SLC35F4: variants seen among roughly 807,000 people sequenced by gnomAD.
The protein encoded by SLC35F4 is chromosome 14 open reading frame 36.
In SLC35F4, 24 loss-of-function variants were observed where a neutral mutation model predicts 44.2. That is an observed-to-expected ratio of 0.54 (90% CI 0.39 to 0.76). The LOEUF (loss-of-function observed/expected upper bound fraction) is 0.76, where lower values mean the gene tolerates loss of function less well. Among genes scored for constraint, SLC35F4 ranks in the 30% least tolerant of loss-of-function variants. The pLI, the probability that SLC35F4 is intolerant of heterozygous loss-of-function variation, is 0.00. For synonymous variants in SLC35F4, 238 were observed against 223.6 expected (o/e 1.06, Z -0.57); for missense variants, 562 against 586.1 (o/e 0.96, Z 0.42).
chr14:57,812,739 G>C (rs1416266213), intron 1 of SLC35F4, among the ~76,000 whole-genome samples: 1 of 152,082 alleles, frequency 6.6e-6, no homozygotes, highest in East Asian at 1.9e-4. Context: ...GTCTTCCTGA[G>C]ACTTAAACTA....
At chr14:57,871,064 G>C (rs1001002652), upstream of SLC35F4, among the ~76,000 whole-genome samples, 1 of 152,190 alleles carries the variant, frequency 6.6e-6, no homozygotes, top group Non-Finnish European at 1.5e-5. Context: ...CTCAGGTCCT[G>C]CTTGGTGAAG....
chr14:57,860,427 G>T (rs1281153474), intron 1 of SLC35F4, among the ~76,000 whole-genome samples: 3 of 152,166 alleles, frequency 2.0e-5, no homozygotes, highest in African/African-American at 7.2e-5. Flanking sequence ...AGGTGGGACT[G>T]TTTGGAAAGC....
intron 1 of SLC35F4, among the ~76,000 whole-genome samples, chr14:57,624,391 T>C (rs1487278337): frequency 6.6e-6 from 1 of 152,216 alleles, no homozygotes; most frequent in Non-Finnish European, 1.5e-5. Context: ...GCTGGTACCA[T>C]TCCTTCTGAA....
At chr14:57,858,187 C>A (rs1363259249) in intron 1 of SLC35F4, among the ~76,000 whole-genome samples, 1 of 151,950 alleles carries the variant, frequency 6.6e-6, no homozygotes, top group African/African-American at 2.4e-5. Context: ...TGGGTATATA[C>A]CCAAAGGATT....
intron 1 of SLC35F4, among the ~76,000 whole-genome samples, chr14:57,971,205 G>A (rs1301877563): frequency 1.3e-5 from 2 of 152,262 alleles, no homozygotes; most frequent in South Asian, 4.2e-4. Flanking sequence ...AATGTACATA[G>A]GTTCTTCTAA....
At chr14:57,687,046 G>C (rs757943135) in intron 1 of SLC35F4, among the ~76,000 whole-genome samples, 1 of 152,154 alleles carries the variant, frequency 6.6e-6, no homozygotes, top group African/African-American at 2.4e-5. Context: ...ACAGAGAAAA[G>C]ACTAAGTGAA....
chr14:57,691,034 A>C (rs1471030849), intron 1 of SLC35F4, among the ~76,000 whole-genome samples: 2 of 152,146 alleles, frequency 1.3e-5, no homozygotes, highest in Non-Finnish European at 2.9e-5. Flanking sequence ...GGGATTGGTG[A>C]CCCTTGCCCT....
chr14:57,651,037 C>A (rs1165831033), intron 1 of SLC35F4, among the ~76,000 whole-genome samples: 1 of 152,160 alleles, frequency 6.6e-6, no homozygotes, highest in Admixed American at 6.5e-5. Context: ...CCATTTATTT[C>A]CTTTAATATT....
chr14:57,838,482 T>A (rs1260508155), intron 1 of SLC35F4, among the ~76,000 whole-genome samples: 4 of 152,192 alleles, frequency 2.6e-5, no homozygotes, highest in Non-Finnish European at 5.9e-5. Flanking sequence ...AGTCAAATCA[T>A]TTTTTCCCAA....
chr14:57,727,329 G>A (rs2076230259), intron 1 of SLC35F4, among the ~76,000 whole-genome samples: 1 of 151,640 alleles, frequency 6.6e-6, no homozygotes. Flanking sequence ...CTAAAGTTTT[G>A]TCAATTTTAT....
At chr14:57,731,686 CTTTTA>C (rs1295372762) in intron 1 of SLC35F4, among the ~76,000 whole-genome samples, 2 of 152,330 alleles carry the variant, frequency 1.3e-5, no homozygotes, top group African/African-American at 2.4e-5. Flanking sequence ...CAATAAATCT[CTTTTA>C]TTTTATATTA....
At chr14:57,565,041 G>C (rs1000218920) in intron 7 of SLC35F4, among the ~76,000 whole-genome samples, 7 of 152,088 alleles carry the variant, frequency 4.6e-5, no homozygotes, top group African/African-American at 1.7e-4. Context: ...TATTTTTGAG[G>C]TCCATCCATG....
At chr14:57,804,787 G>C (rs1411595146) in intron 1 of SLC35F4, among the ~76,000 whole-genome samples, 1 of 152,122 alleles carries the variant, frequency 6.6e-6, no homozygotes, top group African/African-American at 2.4e-5. Context: ...AATTAAACTA[G>C]AGCTTCTGCA....
At chr14:57,824,009 C>G (rs1319523124) in intron 1 of SLC35F4, among the ~76,000 whole-genome samples, 2 of 151,854 alleles carry the variant, frequency 1.3e-5, no homozygotes, top group African/African-American at 4.8e-5. Flanking sequence ...TCATATTCCC[C>G]AAATCAGGAA....
At chr14:57,741,845 G>T (rs914188796) in intron 1 of SLC35F4, among the ~76,000 whole-genome samples, 1 of 152,194 alleles carries the variant, frequency 6.6e-6, no homozygotes, top group Non-Finnish European at 1.5e-5. Flanking sequence ...TACCCACAAA[G>T]GGAAGCCCAG....
intron 1 of SLC35F4, among the ~76,000 whole-genome samples, chr14:57,697,528 C>T (rs148294401): frequency 5.3e-5 from 8 of 151,966 alleles, no homozygotes; most frequent in South Asian, 2.1e-4. Context: ...TGGCAAAACC[C>T]CATCTCTACA....
chr14:57,888,591 T>C lies in SLC35F4; in HGVS notation n.282+93322A>G, dbSNP rs116737521. On this transcript the variant is annotated intron_variant and non_coding_transcript_variant, in intron 1 of 1. Coordinates refer to the SLC35F4 transcript ENST00000556568. The stretch of plus-strand genomic sequence containing the variant: ...ACGACCAGTTGTTGCTATTACGTTA[T>C]TATTATCATTATTACTATCATCATT... 2.0e-3 allele frequency among the ~76,000 whole-genome samples: 311 copies of C among 152,338 alleles called. 3 individuals are homozygous for C. Among genetic ancestry groups the C allele is most frequent in the African/African-American group, 7.2e-3 (298 of 41,582 alleles).
intron 1 of SLC35F4, among the ~76,000 whole-genome samples, chr14:57,685,687 C>T (rs2140316305): frequency 1.3e-5 from 2 of 152,226 alleles, no homozygotes; most frequent in South Asian, 4.2e-4. Flanking sequence ...AGTTGGTGTT[C>T]AAGAATTTAA....
At chr14:57,792,177 G>A (rs1443199987) in intron 1 of SLC35F4, among the ~76,000 whole-genome samples, 2 of 151,896 alleles carry the variant, frequency 1.3e-5, no homozygotes, top group African/African-American at 4.8e-5. Flanking sequence ...CATCACTAAT[G>A]ATCAGGGAAA....
Sources: gnomAD v4.1 joint callset for allele counts (sites outside exome capture counted in the v4.1 genomes callset) on GRCh38, gnomAD v4.1.1 for gene constraint, MANE v1.5 for transcripts, NCBI Gene and HGNC (gene_info 2026-07-23, HGNC 2026-07-21) for gene names.